MBD5: variants seen among roughly 807,000 people sequenced by gnomAD.
The protein encoded by MBD5 is methyl-CpG binding domain protein 5.
MBD5 carries 13 observed loss-of-function variants against 117.3 expected under a neutral mutation model. That is an observed-to-expected ratio of 0.11 (90% CI 0.07 to 0.18). MBD5 has a LOEUF of 0.18. Among genes scored for constraint, MBD5 ranks in the 10% least tolerant of loss-of-function variants. The pLI is 1.00. For synonymous variants in MBD5, 727 were observed against 766.4 expected (o/e 0.95, Z 0.85); for missense variants, 1,879 against 2,093.8 (o/e 0.90, Z 2.00).
intron 3 of MBD5, among the ~76,000 whole-genome samples, chr2:148,248,483 A>C (rs1313661494): frequency 1.3e-5 from 2 of 152,168 alleles, no homozygotes; most frequent in Non-Finnish European, 2.9e-5. Context: ...CCTTCAATAT[A>C]GGACCCCAAA....
At chr2:148,166,053 TA>T (rs1330248504) in intron 1 of MBD5, among the ~76,000 whole-genome samples, 4 of 152,210 alleles carry the variant, frequency 2.6e-5, no homozygotes, top group African/African-American at 7.2e-5. Flanking sequence ...ATATTCCATT[TA>T]TTTTTTGTAC....
intron 4 of MBD5, chr2:148,447,799 T>G (rs1169080871): frequency 5.9e-5 from 9 of 152,162 alleles, no homozygotes; most frequent in Non-Finnish European, 8.8e-5. Flanking sequence ...TGTCAATTAA[T>G]TTACTTATAT....
In MBD5 at chr2:148,483,589, G is replaced by A. The variant is rs1681236100; in HGVS notation, c.2998G>A (p.Ala1000Thr). The change falls in exon 9 of 14, where the codon GCT (alanine) becomes ACT (threonine). Residue 1000 changes from alanine to threonine, a missense_variant. Physicochemically the swap from Ala to Thr is moderately conservative, Grantham distance 58. Coordinates refer to ENST00000642680, the MANE Select transcript of MBD5 (RefSeq NM_001378120.1). ...AALLQNQAQA[A>T]AMLPLPSFNL... ...CTTGCTTCAGAACCAAGCCCAAGCA[G>A]CTGCCATGCTTCCCCTGCCATCTTT... The A allele has an allele frequency of 1.3e-6, 2 of 1,556,934 alleles. No homozygotes were observed. The highest frequency in any genetic ancestry group is 2.4e-5 in the East Asian group (1 of 41,166).
At chr2:148,354,981 G>C (rs928904813) in intron 4 of MBD5, among the ~76,000 whole-genome samples, 5 of 151,710 alleles carry the variant, frequency 3.3e-5, no homozygotes, top group African/African-American at 1.2e-4. Flanking sequence ...GTGTGAGATG[G>C]TATATCATTG....
intron 4 of MBD5, among the ~76,000 whole-genome samples, chr2:148,412,889 A>G (rs910576511): frequency 6.6e-6 from 1 of 152,128 alleles, no homozygotes; most frequent in Non-Finnish European, 1.5e-5. Flanking sequence ...TAGATATAAA[A>G]TCATATCGTC....
intron 3 of MBD5, among the ~76,000 whole-genome samples, chr2:148,323,091 C>A (rs950603693): frequency 6.6e-6 from 1 of 150,996 alleles, no homozygotes; most frequent in African/African-American, 2.4e-5. Context: ...TGAGAATATG[C>A]GGTGTTTGGT....
chr2:148,464,887 T>G (rs1332489435), intron 7 of MBD5, among the ~76,000 whole-genome samples: 2 of 151,750 alleles, frequency 1.3e-5, no homozygotes, highest in African/African-American at 2.4e-5. Context: ...GGGAGATCTC[T>G]TGAACCCAGA....
chr2:148,451,434 G>T (rs1277326016), intron 4 of MBD5, among the ~76,000 whole-genome samples: 2 of 152,110 alleles, frequency 1.3e-5, no homozygotes, highest in Non-Finnish European at 2.9e-5. Context: ...TGAAACAGAT[G>T]GGGGGAGGTT....
intron 2 of MBD5, among the ~76,000 whole-genome samples, chr2:148,210,546 T>G (rs2106006179): frequency 6.6e-6 from 1 of 152,128 alleles, no homozygotes; most frequent in East Asian, 1.9e-4. Context: ...ATAACAATTT[T>G]TAAAAATTGT....
At chr2:148,037,362 A>C (rs1386722525) in intron 1 of MBD5, among the ~76,000 whole-genome samples, 1 of 151,988 alleles carries the variant, frequency 6.6e-6, no homozygotes, top group Non-Finnish European at 1.5e-5. Context: ...TCTGCATAGA[A>C]TCAGGAAACC....
At chr2:148,125,758 C>T (rs1696874134) in intron 1 of MBD5, among the ~76,000 whole-genome samples, 1 of 152,204 alleles carries the variant, frequency 6.6e-6, no homozygotes, top group South Asian at 2.1e-4. Flanking sequence ...TACTAGGCTT[C>T]CTTGATGTCT....
chr2:148,277,515 C>A (rs1406350081), intron 3 of MBD5, among the ~76,000 whole-genome samples: 1 of 152,094 alleles, frequency 6.6e-6, no homozygotes, highest in Non-Finnish European at 1.5e-5. Context: ...TTTTTAGAGA[C>A]AGGGTCTTGC....
chr2:148,459,974 C>T (rs1040912491), intron 5 of MBD5, among the ~76,000 whole-genome samples: 5 of 152,114 alleles, frequency 3.3e-5, no homozygotes, highest in Non-Finnish European at 7.4e-5. Context: ...ATATGAAGCT[C>T]ATCCCATGGT....
intron 1 of MBD5, among the ~76,000 whole-genome samples, chr2:148,099,009 C>G (rs1481763732): frequency 1.3e-5 from 2 of 152,074 alleles, no homozygotes; most frequent in Non-Finnish European, 2.9e-5. Context: ...GAGCCATGAT[C>G]GTGCCACTGT....
chr2:148,157,645 A>G (rs1697907594), intron 1 of MBD5, among the ~76,000 whole-genome samples: 1 of 152,198 alleles, frequency 6.6e-6, no homozygotes, highest in Non-Finnish European at 1.5e-5. Flanking sequence ...AGAAACTTAG[A>G]TAGCAAGTAA....
chr2:148,447,232 A>AAAGG (rs1455540477), intron 4 of MBD5, among the ~76,000 whole-genome samples: 1 of 66,194 alleles, frequency 1.5e-5, no homozygotes, highest in African/African-American at 3.6e-5. Context: ...AGAAAGAAAG[A>AAAGG]AAGGGAAAGG....
At position 148,187,498 on chromosome 2, in the gene MBD5, C is replaced by T. The variant is rs149184063; in HGVS notation, c.-831+8705C>T. Reference sequence around the variant, plus strand: ...ATTTAACTTCAAATAGAAAAGAAAACCATACCAAAACATATCATTTCTGAA... The same window carrying T: ...ATTTAACTTCAAATAGAAAAGAAAATCATACCAAAACATATCATTTCTGAA... On this transcript the variant is annotated intron_variant, in intron 2 of 13. Transcript: ENST00000642680. Among the ~76,000 whole-genome samples the T allele has an allele frequency of 1.5e-3, 231 of 151,912 alleles. 2 individuals are homozygous for T. The highest frequency in any genetic ancestry group is 5.3e-3 in the African/African-American group (219 of 41,474).
chr2:148,208,494 T>A (rs1256396612), intron 2 of MBD5, among the ~76,000 whole-genome samples: 2 of 152,140 alleles, frequency 1.3e-5, no homozygotes, highest in African/African-American at 4.8e-5. Flanking sequence ...TGACCTCAAG[T>A]GATCTGCCTG....
At chr2:148,072,794 A>G (rs550938942) in intron 1 of MBD5, among the ~76,000 whole-genome samples, 33 of 152,308 alleles carry the variant, frequency 2.2e-4, no homozygotes, top group African/African-American at 7.7e-4. Context: ...GGCTAGATCA[A>G]TTGGATCTGA....
Sources: allele counts gnomAD v4.1 joint callset (sites outside exome capture counted in the v4.1 genomes callset), GRCh38; gene constraint gnomAD v4.1.1; transcripts MANE v1.5; gene names NCBI Gene and HGNC (gene_info 2026-07-23, HGNC 2026-07-21).